Variants in IQGAP1 observed in about 807,000 individuals in gnomAD.
IQGAP1 encodes the protein IQ motif containing GTPase activating protein 1.
In IQGAP1, 66 loss-of-function variants were observed where a neutral mutation model predicts 215.6. That is an observed-to-expected ratio of 0.31 (90% CI 0.25 to 0.38). The LOEUF is 0.38. IQGAP1 is among the 10% of genes least tolerant of loss of function. IQGAP1 has a pLI of 1.00. For synonymous variants in IQGAP1, 772 were observed against 728.7 expected (o/e 1.06, Z -0.96); for missense variants, 1,712 against 1,997.1 (o/e 0.86, Z 2.72).
intron 15 of IQGAP1, among the ~76,000 whole-genome samples, chr15:90,464,432 A>G (rs536724777): frequency 1.2e-3 from 180 of 152,348 alleles, no homozygotes; most frequent in Non-Finnish European, 2.3e-3. Flanking sequence ...TTCTGATTCT[A>G]TCACACTGAG....
intron 18 of IQGAP1, among the ~76,000 whole-genome samples, chr15:90,471,654 C>CT (rs1965906806): frequency 6.6e-6 from 1 of 151,950 alleles, no homozygotes; most frequent in Non-Finnish European, 1.5e-5. Context: ...CATGCGCCAC[C>CT]ACACCTGGCT....
At position 90,500,259 on chromosome 15, in the gene IQGAP1, C is replaced by A; in HGVS notation, c.*151C>A. On this transcript the variant is annotated 3_prime_UTR_variant, in exon 38 of 38. Coordinates refer to ENST00000268182, the MANE Select transcript of IQGAP1 (RefSeq NM_003870.4). ...CCGATGCCACATTTTTAACTCCTCT[C>A]GCTCTGATGGGACATTTGTTACCCT... 1 of 580,560 alleles carries A rather than the reference C, an allele frequency of 1.7e-6. No individual in the cohort carries two copies. The allele number at this position is 580,560 out of a possible 1,614,324, so 36.0% of individuals were successfully genotyped here. A position where few individuals can be genotyped will look rare whatever the true frequency, so the allele number is the denominator to read the frequency against.
chr15:90,422,962 T>C (rs1051022168), intron 2 of IQGAP1, among the ~76,000 whole-genome samples: 2 of 152,056 alleles, frequency 1.3e-5, no homozygotes, highest in Non-Finnish European at 1.5e-5. Flanking sequence ...CCCAAAGTGC[T>C]GGGATTACAG....
chr15:90,392,768 A>C (rs1431233384), intron 2 of IQGAP1, among the ~76,000 whole-genome samples: 1 of 24,262 alleles, frequency 4.1e-5, no homozygotes, highest in African/African-American at 3.5e-4. Flanking sequence ...TTTTTTTTGT[A>C]CAGTCTCGCT....
chr15:90,465,681 G>C (rs200688201), intron 15 of IQGAP1, among the ~76,000 whole-genome samples: 1 of 64,870 alleles, frequency 1.5e-5, no homozygotes, highest in East Asian at 1.7e-3. Flanking sequence ...ATGTTTGTTT[G>C]TTTGTTTGTT....
rs192443081 is a variant in IQGAP1, at chr15:90,467,102, T to A, written c.2036-348T>A. Among the ~76,000 whole-genome samples, 772 of 151,440 alleles carry A rather than the reference T, an allele frequency of 5.1e-3. 8 individuals are homozygous for A. The highest frequency in any genetic ancestry group is 0.017 in the African/African-American group (702 of 41,322). On this transcript the variant is annotated intron_variant, in intron 17 of 37. Transcript: ENST00000268182. Reference sequence around the variant, plus strand: ...GCAAGACTCTGTCTGAAAAAAAAAATAATAATAATAAATTGAAAAACTGGA... The same window carrying A: ...GCAAGACTCTGTCTGAAAAAAAAAAAAATAATAATAAATTGAAAAACTGGA...
intron 23 of IQGAP1, chr15:90,475,786 C>T (rs1008659661): frequency 6.8e-6 from 1 of 146,852 alleles, no homozygotes; most frequent in African/African-American, 2.5e-5. Flanking sequence ...TTATTTAAGA[C>T]ATAAAACAAC....
rs1256494120 is a variant in IQGAP1, at chr15:90,390,783, A to G, written c.65A>G (p.Asp22Gly). 3 of 1,607,036 alleles carry G rather than the reference A, an allele frequency of 1.9e-6. No individual in the cohort carries two copies. In the African/African-American group the frequency reaches 4.0e-5, roughly 21 times the overall value. Reference sequence around the variant, plus strand: ...TTCTTTTATGTTGTAGCTGTCCTGGATAATGAAAGACTTACTGCAGAGGAG... The same window carrying G: ...TTCTTTTATGTTGTAGCTGTCCTGGGTAATGAAAGACTTACTGCAGAGGAG... ...VARPHYGSVL[D>G]NERLTAEEMD... The change falls in exon 2 of 38, where the codon GAT becomes GGT. Residue 22 changes from aspartate (D) to glycine (G), a missense_variant. Coordinates refer to ENST00000268182, the MANE Select transcript of IQGAP1 (RefSeq NM_003870.4).
chr15:90,417,420 A>C (rs1013878267), intron 2 of IQGAP1, among the ~76,000 whole-genome samples: 36 of 152,140 alleles, frequency 2.4e-4, no homozygotes, highest in East Asian at 5.8e-4. Context: ...TCAGCTTTCT[A>C]CATATGGCTA....
At chr15:90,446,227 C>A (rs1965525910) in intron 9 of IQGAP1, among the ~76,000 whole-genome samples, 1 of 152,046 alleles carries the variant, frequency 6.6e-6, no homozygotes, top group Admixed American at 6.6e-5. Flanking sequence ...TATTTTATAA[C>A]CTTTATAGTT....
intron 4 of IQGAP1, among the ~76,000 whole-genome samples, chr15:90,433,009 G>T (rs905090651): frequency 3.3e-5 from 5 of 152,140 alleles, no homozygotes; most frequent in Admixed American, 6.5e-5. Context: ...TGATATCAAA[G>T]ATATGGCAGT....
intron 34 of IQGAP1, 96 bp from the exon 35 acceptor site, chr15:90,492,449 G>T: frequency 6.1e-5 from 41 of 666,862 alleles, no homozygotes; most frequent in Non-Finnish European, 8.4e-5. Context: ...AAAGTAGGTA[G>T]TCATATTTAA....
intron 2 of IQGAP1, chr15:90,391,625 A>G (rs1349952420): frequency 3.9e-5 from 6 of 152,390 alleles, no homozygotes; most frequent in Admixed American, 3.9e-4. Context: ...CTGTTGGTGT[A>G]GGTCCATCTG....
chr15:90,424,026 C>CT (rs397824844), intron 2 of IQGAP1, among the ~76,000 whole-genome samples: 29,491 of 146,230 alleles, frequency 0.2, 3,004 homozygotes, highest in African/African-American at 0.24. Context: ...AAATAAGTAA[C>CT]TTTTTTTTTT....
chr15:90,413,141 AAGAT>A (rs1964992929), intron 2 of IQGAP1, among the ~76,000 whole-genome samples: 1 of 152,308 alleles, frequency 6.6e-6, no homozygotes, highest in South Asian at 2.1e-4. Flanking sequence ...TCAGTAAGAC[AAGAT>A]AGACAGGTAT....
intron 37 of IQGAP1, among the ~76,000 whole-genome samples, chr15:90,498,666 G>T (rs1393228337): frequency 2.0e-5 from 3 of 151,286 alleles, no homozygotes; most frequent in East Asian, 2.0e-4. Flanking sequence ...TTTGGAGGGG[G>T]GGGCAGAGTC....
chr15:90,487,721 A>G (rs113715967), intron 33 of IQGAP1, 139 bp downstream of exon 33: 2 of 636,246 alleles, frequency 3.1e-6, no homozygotes, highest in East Asian at 2.8e-5. Flanking sequence ...GGACAGTGGT[A>G]GTTATGGCTC....
chr15:90,407,514 A>G (rs1353235055), intron 2 of IQGAP1, among the ~76,000 whole-genome samples: 11 of 152,232 alleles, frequency 7.2e-5, no homozygotes, highest in Non-Finnish European at 1.5e-4. Flanking sequence ...TTATATAACA[A>G]TAAGAAATTT....
chr15:90,399,119 CTAAT>C lies in IQGAP1; in HGVS notation c.155+8250_155+8253del, dbSNP rs777688176. On this transcript the variant is annotated intron_variant, in intron 2 of 37. Transcript: ENST00000268182. ...TATAGGCCCACTTCACCTCACCTAA[CTAAT>C]TAAAAAAAATTTTTTTTTTTGTAGA... Among the ~76,000 whole-genome samples, 29 of 151,132 alleles carry C rather than the reference CTAAT, an allele frequency of 1.9e-4. 1 individual carries two copies. Among genetic ancestry groups the C allele is most frequent in the Non-Finnish European group, 2.9e-5 (2 of 67,876 alleles).
Sources: gnomAD v4.1 joint callset for allele counts (sites outside exome capture counted in the v4.1 genomes callset) on GRCh38, gnomAD v4.1.1 for gene constraint, MANE v1.5 for transcripts, NCBI Gene and HGNC (gene_info 2026-07-23, HGNC 2026-07-21) for gene names.